PRKN: variants seen among roughly 807,000 people sequenced by gnomAD.
PRKN encodes parkin RBR E3 ubiquitin protein ligase.
PRKN carries 56 observed loss-of-function variants against 59.5 expected under a neutral mutation model. The observed-to-expected ratio is 0.94, with a 90% CI of 0.76 to 1.18. The LOEUF is 1.18. Ranked by LOEUF, PRKN falls within the 50% of genes most tolerant of loss-of-function variation. The pLI, the probability that PRKN is intolerant of heterozygous loss-of-function variation, is 0.00. For synonymous variants in PRKN, 250 were observed against 222.1 expected (o/e 1.13, Z -1.12); for missense variants, 657 against 596.4 (o/e 1.10, Z -1.06).
chr6:162,292,210 C>T (rs1183594304), intron 2 of PRKN, among the ~76,000 whole-genome samples: 4 of 152,142 alleles, frequency 2.6e-5, no homozygotes, highest in East Asian at 3.9e-4. Flanking sequence ...GTGATCTGCC[C>T]ACCTCGGCCT....
At chr6:162,000,004 G>T (rs1781990957) in intron 5 of PRKN, among the ~76,000 whole-genome samples, 1 of 152,048 alleles carries the variant, frequency 6.6e-6, no homozygotes, top group Non-Finnish European at 1.5e-5. Flanking sequence ...TTGTTTTAAA[G>T]ACTTACATTT....
At chr6:161,364,168 CAA>C (rs71004043) in intron 10 of PRKN, among the ~76,000 whole-genome samples, 21 of 74,436 alleles carry the variant, frequency 2.8e-4, no homozygotes, top group African/African-American at 5.2e-4. Context: ...GACTCCGTCT[CAA>C]AAAAAAAAAA....
At chr6:161,884,575 T>G (rs967082702) in intron 6 of PRKN, among the ~76,000 whole-genome samples, 1 of 152,224 alleles carries the variant, frequency 6.6e-6, no homozygotes, top group African/African-American at 2.4e-5. Flanking sequence ...AACTGTGAGA[T>G]TACGATACGA....
At chr6:162,210,639 C>G (rs192404733) in intron 3 of PRKN, among the ~76,000 whole-genome samples, 1 of 152,140 alleles carries the variant, frequency 6.6e-6, no homozygotes, top group Non-Finnish European at 1.5e-5. Context: ...TATTATGGAA[C>G]ACAAACCCTG....
At chr6:161,703,052 CA>C (rs1238734600) in intron 7 of PRKN, among the ~76,000 whole-genome samples, 2 of 136,650 alleles carry the variant, frequency 1.5e-5, no homozygotes, top group African/African-American at 5.4e-5. Context: ...AAAAAGAAAA[CA>C]ATTTAAAAAT....
rs571755792 is a variant in PRKN at position 161,440,200 on chromosome 6, G to A, written c.1084-53323C>T. Among the ~76,000 whole-genome samples the A allele has an allele frequency of 1.3e-5, 2 of 152,080 alleles. No homozygotes were observed. The highest frequency in any genetic ancestry group is 1.9e-4 in the East Asian group (1 of 5,150). On this transcript the variant is annotated intron_variant, in intron 9 of 11. Transcript: ENST00000366898. The surrounding 1 kb of genome is among the most constrained non-coding windows in gnomAD (Gnocchi z 4.1). Reference sequence around the variant, plus strand: ...CATCTCCTGACCTCGTGATCCGCCCGTCTCGGCCTCCCAAAGTGCTGGGAT... The same window carrying A: ...CATCTCCTGACCTCGTGATCCGCCCATCTCGGCCTCCCAAAGTGCTGGGAT...
chr6:162,443,524 C>A, intron 1 of PRKN, 51 bp from the exon 2 acceptor site: 1 of 1,556,388 alleles, frequency 6.4e-7, no homozygotes, highest in East Asian at 2.2e-5. Context: ...CACTCGAAGC[C>A]CTTAAATGGT....
At chr6:161,508,878 C>G (rs1044375536) in intron 9 of PRKN, among the ~76,000 whole-genome samples, 1 of 150,238 alleles carries the variant, frequency 6.7e-6, no homozygotes, top group African/African-American at 2.5e-5. Context: ...GAGTTTCACT[C>G]TTGTTGCCGA....
intron 6 of PRKN, among the ~76,000 whole-genome samples, chr6:161,855,007 C>G (rs956062815): frequency 6.8e-6 from 1 of 146,914 alleles, no homozygotes; most frequent in African/African-American, 2.5e-5. Flanking sequence ...TCCTTGAACC[C>G]AGGAGGTGGA....
At chr6:162,669,707 T>C (rs1013450971) in intron 1 of PRKN, among the ~76,000 whole-genome samples, 2 of 152,186 alleles carry the variant, frequency 1.3e-5, no homozygotes, top group Admixed American at 1.3e-4. Flanking sequence ...ATAACTGACA[T>C]GAGCTAATTT....
At position 161,385,742 on chromosome 6, in the gene PRKN, C is replaced by T. The variant is rs1025484868; in HGVS notation, c.1167+1052G>A. Among the ~76,000 whole-genome samples, 1 of 152,168 alleles carries T rather than the reference C, an allele frequency of 6.6e-6. No homozygotes were observed. Among genetic ancestry groups the T allele is most frequent in the African/African-American group, 2.4e-5 (1 of 41,450 alleles). ...GGCAGGGGTCTCTGGGCCATTATTGCTTTTGCTGTCAGTACCTGGTAAGCT... is the reference window on the plus strand; with the variant it reads ...GGCAGGGGTCTCTGGGCCATTATTGTTTTTGCTGTCAGTACCTGGTAAGCT... On this transcript the variant is annotated intron_variant, in intron 10 of 11. Coordinates refer to ENST00000366898, the MANE Select transcript of PRKN (RefSeq NM_004562.3). This position sits in a 1 kb window ranked among gnomAD's most constrained non-coding sequence, Gnocchi z 4.9.
intron 9 of PRKN, among the ~76,000 whole-genome samples, chr6:161,514,001 C>T (rs1486259696): frequency 6.6e-6 from 1 of 151,912 alleles, no homozygotes. Context: ...GGTTGTGTAA[C>T]TGTAACAGCT....
chr6:162,408,243 A>T (rs115722522), intron 2 of PRKN, among the ~76,000 whole-genome samples: 178 of 152,218 alleles, frequency 1.2e-3, no homozygotes, highest in African/African-American at 4.2e-3. Flanking sequence ...AGCAATTATC[A>T]GAAAAAGGTA....
chr6:161,983,673 G>A (rs1334922324), intron 5 of PRKN, among the ~76,000 whole-genome samples: 2 of 62,732 alleles, frequency 3.2e-5, no homozygotes. Flanking sequence ...ACCAAACACC[G>A]CATATTCTCA....
At chr6:162,338,094 G>T (rs1783930467) in intron 2 of PRKN, among the ~76,000 whole-genome samples, 1 of 152,170 alleles carries the variant, frequency 6.6e-6, no homozygotes, top group South Asian at 2.1e-4. Flanking sequence ...TACTAGGACA[G>T]TGGCCCGGGA....
intron 9 of PRKN, among the ~76,000 whole-genome samples, chr6:161,479,752 G>A (rs1791297061): frequency 6.6e-6 from 1 of 152,230 alleles, no homozygotes; most frequent in Non-Finnish European, 1.5e-5. Context: ...ATCTTACAAT[G>A]TAGCCCTCTG....
Position 162,062,760 on chromosome 6 carries a change from C to T in PRKN, c.535-8586G>A, listed in dbSNP as rs181422522. On this transcript the variant is annotated intron_variant, in intron 4 of 11. Coordinates refer to ENST00000366898, the MANE Select transcript of PRKN (RefSeq NM_004562.3). ...TCCAGTCTGGGGTATTTTGTCATGG[C>T]AGTCCTAGCAGACAAATATAGAGGG... is the stretch of plus-strand genomic sequence containing the variant. Among the ~76,000 whole-genome samples, 992 of 152,260 alleles carry T rather than the reference C, an allele frequency of 6.5e-3. 13 individuals are homozygous for T. Among genetic ancestry groups the T allele is most frequent in the African/African-American group, 0.022 (933 of 41,558 alleles).
At chr6:162,418,418 G>A (rs1381890813) in intron 2 of PRKN, among the ~76,000 whole-genome samples, 1 of 152,076 alleles carries the variant, frequency 6.6e-6, no homozygotes, top group African/African-American at 2.4e-5. Flanking sequence ...TGATTGTGGT[G>A]GTGGAGTGAA....
intron 4 of PRKN, among the ~76,000 whole-genome samples, chr6:162,099,021 T>A (rs1269249884): frequency 2.1e-5 from 3 of 141,452 alleles, no homozygotes; most frequent in African/African-American, 4.9e-5. Context: ...TAGCTTTTAA[T>A]AAAAGCTCTT....
Sources: gnomAD v4.1 joint callset for allele counts (sites outside exome capture counted in the v4.1 genomes callset) on GRCh38, gnomAD v4.1.1 for gene constraint, Gnocchi (gnomAD v3.1) non-coding constraint, MANE v1.5 for transcripts, NCBI Gene and HGNC (gene_info 2026-07-23, HGNC 2026-07-21) for gene names.